The following HTT variants were observed in gnomAD, a reference collection of about 807,000 sequenced individuals.
HTT encodes huntington disease protein.
HTT carries 104 observed loss-of-function variants against 362.3 expected under a neutral mutation model. The ratio of observed to expected loss-of-function variants is 0.29; its 90% CI spans 0.24 to 0.34. The LOEUF is 0.34. Among genes scored for constraint, HTT ranks in the 10% least tolerant of loss-of-function variants. HTT has a pLI of 1.00. For synonymous variants in HTT, 1,577 were observed against 1,548.7 expected (o/e 1.02, Z -0.43); for missense variants, 3,301 against 3,928.6 (o/e 0.84, Z 4.27).
chr4:3,234,703 G>A (rs1210806263), intron 61 of HTT, among the ~76,000 whole-genome samples: 3 of 152,218 alleles, frequency 2.0e-5, no homozygotes, highest in Admixed American at 6.5e-5. Flanking sequence ...GCCGTGTCAC[G>A]TGCCTCCGAG....
intron 42 of HTT, among the ~76,000 whole-genome samples, chr4:3,204,725 T>C (rs1719770766): frequency 6.6e-6 from 1 of 152,244 alleles, no homozygotes. Context: ...CACAGCTCTT[T>C]GAGAAGCTGA....
intron 16 of HTT, among the ~76,000 whole-genome samples, chr4:3,132,169 A>G (rs1189212354): frequency 6.6e-6 from 1 of 152,220 alleles, no homozygotes; most frequent in East Asian, 1.9e-4. Context: ...GCCCATGCTT[A>G]CTATGGAGCC....
At chr4:3,095,048 C>A (rs907175325) in intron 2 of HTT, among the ~76,000 whole-genome samples, 1 of 151,954 alleles carries the variant, frequency 6.6e-6, no homozygotes, top group Admixed American at 6.6e-5. Context: ...CCAGACTGGG[C>A]AGCCAGGCAG....
intron 26 of HTT, among the ~76,000 whole-genome samples, chr4:3,149,446 C>T (rs2110207180): frequency 6.6e-6 from 1 of 152,144 alleles, no homozygotes; most frequent in African/African-American, 2.4e-5. Flanking sequence ...GCTGGGATTA[C>T]AGGCATGCAC....
chr4:3,128,227 C>G (rs762336591), intron 12 of HTT: 3 of 152,420 alleles, frequency 2.0e-5, no homozygotes, highest in Non-Finnish European at 2.9e-5. Context: ...GCCACCATGC[C>G]CGGCCCTGCC....
chr4:3,169,500 A>T (rs1257351264), intron 29 of HTT, among the ~76,000 whole-genome samples: 1 of 149,844 alleles, frequency 6.7e-6, no homozygotes, highest in East Asian at 1.9e-4. Context: ...TTGTGTTTTC[A>T]AGTTCTCTGA....
At chr4:3,207,616 G>C (rs1393198099) in intron 45 of HTT, among the ~76,000 whole-genome samples, 2 of 152,228 alleles carry the variant, frequency 1.3e-5, no homozygotes, top group South Asian at 2.1e-4. Context: ...TTGAGAGGTA[G>C]CATTTAGAAT....
intron 1 of HTT, among the ~76,000 whole-genome samples, chr4:3,079,057 G>C (rs1055927711): frequency 1.3e-5 from 2 of 151,928 alleles, no homozygotes; most frequent in Non-Finnish European, 2.9e-5. Context: ...GGCCACGCCT[G>C]GGTAATTTTT....
chr4:3,075,056 C>A lies in HTT; in HGVS notation c.231C>A (p.Gly77=). 8.0e-7 allele frequency: 1 copy of A among 1,248,536 alleles called. No homozygotes were observed. The highest frequency in any genetic ancestry group is 1.6e-5 in the African/African-American group (1 of 64,102). The allele number at this position is 1,248,536 out of a possible 1,614,324, so 77.3% of individuals were successfully genotyped here. A position where few individuals can be genotyped will look rare whatever the true frequency, so the allele number is the denominator to read the frequency against. ...CGCCGCCGCCCCCGCCGCCACCCGG[C>A]CCGGCTGTGGCTGAGGAGCCGCTGC... is the stretch of plus-strand genomic sequence containing the variant. The part of the protein sequence containing the change: ...PPPPPPPPPP[G]PAVAEEPLHR... The change falls in exon 1 of 67, where the codon GGC becomes GGA. Residue 77 remains glycine, a synonymous_variant. Coordinates refer to ENST00000355072, the MANE Select transcript of HTT (RefSeq NM_001388492.1).
At chr4:3,159,465 G>A (rs753534754) in intron 28 of HTT, among the ~76,000 whole-genome samples, 3 of 152,270 alleles carry the variant, frequency 2.0e-5, no homozygotes, top group Non-Finnish European at 2.9e-5. Flanking sequence ...ACATCACCTC[G>A]TTCCTTGGAC....
chr4:3,081,759 G>T (rs1712923184), intron 1 of HTT, among the ~76,000 whole-genome samples: 1 of 151,564 alleles, frequency 6.6e-6, no homozygotes, highest in Non-Finnish European at 1.5e-5. Flanking sequence ...GTTTCTCCAT[G>T]TTGGTCAGGC....
chr4:3,093,030 A>AG (rs1713595318), intron 2 of HTT, among the ~76,000 whole-genome samples: 1 of 152,190 alleles, frequency 6.6e-6, no homozygotes, highest in Non-Finnish European at 1.5e-5. Flanking sequence ...CAGAGATGCA[A>AG]GGTGGTGAGA....
At chr4:3,095,758 G>A (rs1233503857) in intron 2 of HTT, among the ~76,000 whole-genome samples, 1 of 152,100 alleles carries the variant, frequency 6.6e-6, no homozygotes, top group Non-Finnish European at 1.5e-5. Context: ...ACAACTAAAA[G>A]CACAACAAGG....
intron 21 of HTT, among the ~76,000 whole-genome samples, chr4:3,138,630 G>T (rs528594873): frequency 4.0e-5 from 6 of 151,896 alleles, no homozygotes; most frequent in Non-Finnish European, 8.8e-5. Context: ...TATTTTTTTT[G>T]AGATAGGGTC....
chr4:3,192,545 G>A (rs1372832242), intron 40 of HTT, among the ~76,000 whole-genome samples: 1 of 152,168 alleles, frequency 6.6e-6, no homozygotes, highest in East Asian at 1.9e-4. Flanking sequence ...GTCCACATGG[G>A]CCAAATGGGA....
intron 1 of HTT, among the ~76,000 whole-genome samples, chr4:3,083,433 A>G (rs927717299): frequency 2.0e-5 from 3 of 151,768 alleles, no homozygotes; most frequent in Non-Finnish European, 4.4e-5. Flanking sequence ...AGGAGGCTGG[A>G]GGATTGCTTG....
chr4:3,105,665 T>C (rs888998726), intron 5 of HTT, among the ~76,000 whole-genome samples: 2 of 152,234 alleles, frequency 1.3e-5, no homozygotes, highest in African/African-American at 4.8e-5. Context: ...AAGAGACTTA[T>C]GGGATGTGTG....
intron 1 of HTT, among the ~76,000 whole-genome samples, chr4:3,079,497 A>G (rs1411227093): frequency 6.6e-6 from 1 of 152,194 alleles, no homozygotes; most frequent in Non-Finnish European, 1.5e-5. Context: ...GTGGTATTCC[A>G]GATGGGGGGA....
At position 3,079,958 on chromosome 4, in the gene HTT, C is replaced by G. The variant is rs114828069; in HGVS notation, c.263+4870C>G. On this transcript the variant is annotated intron_variant, in intron 1 of 66. Coordinates refer to ENST00000355072, the MANE Select transcript of HTT (RefSeq NM_001388492.1). The stretch of plus-strand genomic sequence containing the variant: ...AGTATAACAATTTAGCAGTAGCTTG[C>G]GTTATCAGGTTTGTATTCAGCTGCA... Among the ~76,000 whole-genome samples, 846 of 152,240 alleles carry G rather than the reference C, an allele frequency of 5.6e-3. 7 individuals carry two copies. Among genetic ancestry groups the G allele is most frequent in the African/African-American group, 0.019 (803 of 41,540 alleles).
Sources: gnomAD v4.1 joint callset for allele counts (sites outside exome capture counted in the v4.1 genomes callset) on GRCh38, gnomAD v4.1.1 for gene constraint, MANE v1.5 for transcripts, NCBI Gene and HGNC (gene_info 2026-07-23, HGNC 2026-07-21) for gene names.